The following SLC16A3 variants were observed in gnomAD, a reference collection of about 807,000 sequenced individuals.
The protein encoded by SLC16A3 is monocarboxylate transporter 4.
In SLC16A3, 22 loss-of-function variants were observed where a neutral mutation model predicts 25.0. The observed-to-expected ratio is 0.88, with a 90% confidence interval of 0.63 to 1.26. SLC16A3 has a LOEUF of 1.26. Among genes scored for constraint, SLC16A3 ranks in the 50% most tolerant of loss-of-function variants. The pLI, the probability that SLC16A3 is intolerant of heterozygous loss-of-function variation, is 0.00. For missense variants in SLC16A3, 731 were observed against 666.6 expected, an observed-to-expected ratio of 1.10 and a Z score of -1.06; for synonymous variants, 390 against 309.2, an observed-to-expected ratio of 1.26 and a Z score of -2.74.
chr17:82,223,996 A>G (rs1330125977), upstream of SLC16A3, among the ~76,000 whole-genome samples: 1 of 149,604 alleles, frequency 6.7e-6, no homozygotes, highest in Non-Finnish European at 1.5e-5. Context: ...ACCTGTGCAG[A>G]CGCACCCCTA....
upstream of SLC16A3, among the ~76,000 whole-genome samples, chr17:82,228,113 C>T (rs565357920): frequency 4.6e-5 from 7 of 152,350 alleles, no homozygotes; most frequent in South Asian, 1.0e-3. Flanking sequence ...TTCCTGTGGC[C>T]CTGGCAGGGT....
intron 1 of SLC16A3, among the ~76,000 whole-genome samples, chr17:82,233,347 A>G (rs189198412): frequency 4.6e-5 from 7 of 152,218 alleles, no homozygotes; most frequent in Non-Finnish European, 7.4e-5. Context: ...TCCCCACATG[A>G]GCGTCACGTG....
At chr17:82,232,283 C>A (rs1035773969) in intron 1 of SLC16A3, 1 of 152,420 alleles carries the variant, frequency 6.6e-6, no homozygotes, top group African/African-American at 2.4e-5. Context: ...CTGCACGGAC[C>A]CAGGGAACGG....
At chr17:82,225,557 G>C (rs1024884481), upstream of SLC16A3, among the ~76,000 whole-genome samples, 1 of 152,224 alleles carries the variant, frequency 6.6e-6, no homozygotes, top group South Asian at 2.1e-4. Context: ...AAGGCAGGCA[G>C]GGTCAGGAGC....
intron 1 of SLC16A3, chr17:82,235,686 G>C (rs924243594): frequency 4.5e-6 from 2 of 448,494 alleles, no homozygotes; most frequent in Non-Finnish European, 8.3e-6. Flanking sequence ...TCCTGTCGGG[G>C]GCTGCTTGTC....
chr17:82,223,149 T>A (rs559991292), intron 1 of SLC16A3, among the ~76,000 whole-genome samples: 56 of 152,346 alleles, frequency 3.7e-4, no homozygotes, highest in African/African-American at 1.3e-3. Context: ...CGTAACCGTG[T>A]GCTACAAGAG....
intron 1 of SLC16A3, among the ~76,000 whole-genome samples, chr17:82,220,085 G>A (rs1410114662): frequency 6.6e-6 from 1 of 152,206 alleles, no homozygotes; most frequent in Non-Finnish European, 1.5e-5. Context: ...GAGCCAAGAG[G>A]AGAGGGCAGT....
chr17:82,227,492 G>A (rs1392757868), upstream of SLC16A3, among the ~76,000 whole-genome samples: 3 of 152,094 alleles, frequency 2.0e-5, no homozygotes, highest in Non-Finnish European at 1.5e-5. Context: ...ACCCATTCCC[G>A]CAGCTGTCCA....
intron 1 of SLC16A3, among the ~76,000 whole-genome samples, chr17:82,218,765 C>T (rs4239020): frequency 0.76 from 115,245 of 152,150 alleles, 44,333 homozygotes; most frequent in East Asian, 0.93. Context: ...GCGTGGAGAA[C>T]GGGCAGCAGG....
Position 82,238,853 on chromosome 17 carries a change from G to A in SLC16A3, c.1275G>A (p.Glu425=), listed in dbSNP as rs1356175644. The A allele has an allele frequency of 2.7e-5, 43 of 1,612,578 alleles. No homozygotes were observed. The highest frequency in any genetic ancestry group is 1.7e-4 in the Middle Eastern group (1 of 6,052). ...CACAGCCTGAGGTGGCGGCCGCGGA[G>A]GAGGAGAAGCTCCACAAGCCTCCTG... ...KEPQPEVAAA[E]EEKLHKPPAD... The change falls in exon 5 of 5, where the codon GAG becomes GAA. Residue 425 remains glutamate, a synonymous_variant. Coordinates refer to ENST00000582743, the MANE Select transcript of SLC16A3 (RefSeq NM_004207.4).
At chr17:82,227,569 T>TGGGAGCACCACATGCCCTGGGC (rs2050431596), upstream of SLC16A3, among the ~76,000 whole-genome samples, 1 of 122,134 alleles carries the variant, frequency 8.2e-6, no homozygotes, top group South Asian at 2.3e-4. Context: ...TGCAGGAAGA[T>TGGGAGCACCACATGCCCTGGGC]GGGAGCACCA....
At chr17:82,225,403 C>T (rs1041194081), upstream of SLC16A3, among the ~76,000 whole-genome samples, 2 of 152,224 alleles carry the variant, frequency 1.3e-5, no homozygotes, top group South Asian at 2.1e-4. Flanking sequence ...CCCCTGGCAC[C>T]GTCCTGGCTG....
chr17:82,239,758 GT>G lies in SLC16A3; in HGVS notation c.*785del. 1 of 392,654 alleles carries G rather than the reference GT, an allele frequency of 2.5e-6. No homozygotes were observed. Among genetic ancestry groups the G allele is most frequent in the East Asian group, 3.6e-5 (1 of 27,700 alleles). 24.3% of individuals were successfully genotyped at this position (392,654 alleles called of 1,614,324 possible). A position where few individuals can be genotyped will look rare whatever the true frequency, so the allele number is the denominator to read the frequency against. On this transcript the variant is annotated 3_prime_UTR_variant, in exon 5 of 5. Coordinates refer to ENST00000582743, the MANE Select transcript of SLC16A3 (RefSeq NM_004207.4). ...AACAAGCCACTTTATTCACTGCTGT[GT>G]TTAAGAAACAGGACCCTCCTGCCTT...
upstream of SLC16A3, among the ~76,000 whole-genome samples, chr17:82,224,887 G>A (rs1008435143): frequency 1.8e-4 from 28 of 152,158 alleles, no homozygotes; most frequent in African/African-American, 6.8e-4. Flanking sequence ...ACCCACCACA[G>A]GCAGCAGTGT....
At position 82,236,772 on chromosome 17, in the gene SLC16A3, C is replaced by T. The variant is rs200551682; in HGVS notation, c.267C>T (p.Pro89=). ...GCGTGAACCGCTTTGGCTGCCGGCC[C>T]GTCATGCTTGTGGGGGGTCTCTTTG... The part of the protein sequence containing the change: ...SVCVNRFGCR[P]VMLVGGLFAS... Residue 89 remains proline (P), a synonymous_variant, in exon 3 of 5, where the codon CCC becomes CCT. Coordinates refer to ENST00000582743, the MANE Select transcript of SLC16A3 (RefSeq NM_004207.4). 287 of 1,608,884 alleles carry T rather than the reference C, an allele frequency of 1.8e-4. 2 individuals carry two copies. The highest frequency in any genetic ancestry group is 1.1e-3 in the South Asian group (98 of 91,082).
At chr17:82,235,938 G>A in intron 1 of SLC16A3, 45 bp from the exon 2 acceptor site, 1 of 1,349,362 alleles carries the variant, frequency 7.4e-7, no homozygotes, top group Non-Finnish European at 1.0e-6. Flanking sequence ...GCTGCAGCTG[G>A]GATGGTCACC....
chr17:82,239,870 G>T lies in SLC16A3; in HGVS notation c.*894G>T. 2 of 608,758 alleles carry T rather than the reference G, an allele frequency of 3.3e-6. No individual in the cohort carries two copies. Among genetic ancestry groups the T allele is most frequent in the East Asian group, 6.9e-5 (2 of 28,898 alleles). 37.7% of individuals were successfully genotyped at this position (608,758 alleles called of 1,614,324 possible). A position where few individuals can be genotyped will look rare whatever the true frequency, so the allele number is the denominator to read the frequency against. Reference sequence around the variant, plus strand: ...GTCTTTGCACCCTGTCCTCCATCCAGCCCGGCCCAGCGCTTGGGCTTGTCC... The same window carrying T: ...GTCTTTGCACCCTGTCCTCCATCCATCCCGGCCCAGCGCTTGGGCTTGTCC... On this transcript the variant is annotated 3_prime_UTR_variant, in exon 5 of 5. Transcript: ENST00000582743.
rs1048189010 is a variant in SLC16A3 at position 82,239,459 on chromosome 17, C to T, written c.*483C>T. ...CCCCTGGAAGATGGAAATAAACCTG[C>T]GTGTGGGTGGAGTGTTAGGACCAAC... On this transcript the variant is annotated 3_prime_UTR_variant, in exon 5 of 5. Coordinates refer to ENST00000582743, the MANE Select transcript of SLC16A3 (RefSeq NM_004207.4). The T allele has an allele frequency of 3.6e-5, 6 of 167,966 alleles. No individual in the cohort carries two copies. The highest frequency in any genetic ancestry group is 7.6e-5 in the Non-Finnish European group (6 of 79,164). 10.4% of individuals were successfully genotyped at this position (167,966 alleles called of 1,614,324 possible). A position where few individuals can be genotyped will look rare whatever the true frequency, so the allele number is the denominator to read the frequency against.
chr17:82,228,138 G>A (rs1401462068), upstream of SLC16A3, among the ~76,000 whole-genome samples: 1 of 152,222 alleles, frequency 6.6e-6, no homozygotes, highest in Non-Finnish European at 1.5e-5. Context: ...CTGACAACTA[G>A]ACTCCTTGGT....
Sources: allele counts gnomAD v4.1 joint callset (sites outside exome capture counted in the v4.1 genomes callset), GRCh38; gene constraint gnomAD v4.1.1; transcripts MANE v1.5; gene names NCBI Gene and HGNC (gene_info 2026-07-23, HGNC 2026-07-21).